NAA50: variants seen among roughly 807,000 people sequenced by gnomAD.
The protein encoded by NAA50 is N-alpha-acetyltransferase 50.
A neutral mutation model predicts 20.7 loss-of-function variants in NAA50; 7 were observed. The ratio of observed to expected loss-of-function variants is 0.34; its 90% CI spans 0.19 to 0.63. The LOEUF is 0.63. NAA50 is among the 30% of genes least tolerant of loss of function. NAA50 has a pLI of 0.75. For missense variants in NAA50, 111 were observed against 199.1 expected (o/e 0.56, Z 2.66); for synonymous variants, 54 against 70.6 (o/e 0.77, Z 1.18).
chr3:113,738,130 T>C (rs1292740195), intron 1 of NAA50, among the ~76,000 whole-genome samples: 2 of 152,172 alleles, frequency 1.3e-5, no homozygotes, highest in Non-Finnish European at 2.9e-5. Flanking sequence ...AGCAATTATA[T>C]GGTCGGTTAC....
chr3:113,723,360 A>G, intron 3 of NAA50, 62 bp downstream of exon 3: 2 of 1,493,910 alleles, frequency 1.3e-6, no homozygotes, highest in Non-Finnish European at 9.1e-7. Context: ...ACTAGGTCAG[A>G]CACATTAACA....
Position 113,721,371 on chromosome 3 carries a change from A to G in NAA50, c.*389T>C, listed in dbSNP as rs1577066506. ...TCAACTTGTCTATGAATTAGAGAACAAGATACTGCTGCTGCTTCTTTTTGT... is the reference window on the plus strand; with the variant it reads ...TCAACTTGTCTATGAATTAGAGAACGAGATACTGCTGCTGCTTCTTTTTGT... On this transcript the variant is annotated 3_prime_UTR_variant, in exon 5 of 5. Coordinates refer to ENST00000240922, the MANE Select transcript of NAA50 (RefSeq NM_025146.4). 4.6e-6 allele frequency: 1 copy of G among 217,828 alleles called. No individual in the cohort carries two copies. Among genetic ancestry groups the G allele is most frequent in the Non-Finnish European group, 9.1e-6 (1 of 110,238 alleles). The allele number at this position is 217,828 out of a possible 1,614,324, so 13.5% of individuals were successfully genotyped here.
Position 113,746,228 on chromosome 3 carries a change from C to T in NAA50, c.-279G>A, listed in dbSNP as rs1350355823. ...TCCCGCCGCTGCCGCCAGCCAGACC[C>T]GCTGCCGCGCTGTGACCTTTCACCC... is the stretch of plus-strand genomic sequence containing the variant. On this transcript the variant is annotated 5_prime_UTR_variant, in exon 1 of 5. Transcript: ENST00000240922. The T allele has an allele frequency of 4.4e-6, 2 of 458,988 alleles. No individual in the cohort carries two copies. Among genetic ancestry groups the T allele is most frequent in the Non-Finnish European group, 7.7e-6 (2 of 258,802 alleles). The allele number at this position is 458,988 out of a possible 1,614,324, so 28.4% of individuals were successfully genotyped here.
intron 1 of NAA50, among the ~76,000 whole-genome samples, chr3:113,745,327 C>T (rs1708476254): frequency 6.6e-6 from 1 of 152,122 alleles, no homozygotes; most frequent in Non-Finnish European, 1.5e-5. Context: ...ACTGATCCAC[C>T]CTATACTTCC....
At chr3:113,730,427 T>C (rs1450347158) in intron 1 of NAA50, among the ~76,000 whole-genome samples, 1 of 152,078 alleles carries the variant, frequency 6.6e-6, no homozygotes, top group Non-Finnish European at 1.5e-5. Context: ...TCAGTTTTGA[T>C]TGATTCCTTG....
Position 113,718,131 on chromosome 3 carries a change from T to C in NAA50, c.*3629A>G, listed in dbSNP as rs186242500. ...ATCACCTGCTCTAGGGGAAGCCACA[T>C]ACCAGTTGTCCACCAGGCAACTGGT... On this transcript the variant is annotated 3_prime_UTR_variant, in exon 5 of 5. Coordinates refer to ENST00000240922, the MANE Select transcript of NAA50 (RefSeq NM_025146.4). 6.6e-6 allele frequency: 1 copy of C among 152,326 alleles called. No homozygotes were observed. The highest frequency in any genetic ancestry group is 1.9e-4 in the East Asian group (1 of 5,194). 9.4% of individuals were successfully genotyped at this position (152,326 alleles called of 1,614,324 possible).
At chr3:113,725,624 G>A (rs966998138) in intron 1 of NAA50, among the ~76,000 whole-genome samples, 24 of 152,078 alleles carry the variant, frequency 1.6e-4, no homozygotes, top group Admixed American at 1.2e-3. Context: ...AACTTAACCA[G>A]GTGTGGTGGC....
In NAA50 at chr3:113,721,431, C is replaced by G. The variant is rs1308438584; in HGVS notation, c.*329G>C. On this transcript the variant is annotated 3_prime_UTR_variant, in exon 5 of 5. Transcript: ENST00000240922. Reference sequence around the variant, plus strand: ...TATACAATGTTTTGTAGGCTCTGCCCTTCAATGTGAAAGCAGGACATTAAA... The same window carrying G: ...TATACAATGTTTTGTAGGCTCTGCCGTTCAATGTGAAAGCAGGACATTAAA... The G allele has an allele frequency of 3.4e-6, 1 of 296,382 alleles. No homozygotes were observed. Among genetic ancestry groups the G allele is most frequent in the Non-Finnish European group, 6.3e-6 (1 of 157,896 alleles). The allele number at this position is 296,382 out of a possible 1,614,324, so 18.4% of individuals were successfully genotyped here.
chr3:113,730,051 G>C (rs753483019), intron 1 of NAA50, among the ~76,000 whole-genome samples: 6 of 152,088 alleles, frequency 3.9e-5, no homozygotes, highest in Non-Finnish European at 7.4e-5. Flanking sequence ...TGCAATCCCA[G>C]CACTTTGGAA....
intron 1 of NAA50, among the ~76,000 whole-genome samples, chr3:113,743,651 T>G (rs1708450214): frequency 6.6e-6 from 1 of 152,192 alleles, no homozygotes; most frequent in African/African-American, 2.4e-5. Context: ...TTTGTTAAGT[T>G]AAAGGGATTA....
At chr3:113,727,306 G>C (rs559832125) in intron 1 of NAA50, among the ~76,000 whole-genome samples, 1 of 152,290 alleles carries the variant, frequency 6.6e-6, no homozygotes, top group South Asian at 2.1e-4. Context: ...AACAATAATA[G>C]TAACTTAAGA....
intron 1 of NAA50, among the ~76,000 whole-genome samples, chr3:113,728,849 G>A (rs933679266): frequency 6.6e-6 from 1 of 152,082 alleles, no homozygotes; most frequent in Admixed American, 6.6e-5. Flanking sequence ...TCAAATCTTT[G>A]TTCCAAAATC....
At chr3:113,734,694 T>C (rs900995304) in intron 1 of NAA50, among the ~76,000 whole-genome samples, 19 of 152,200 alleles carry the variant, frequency 1.2e-4, no homozygotes, top group African/African-American at 3.9e-4. Flanking sequence ...TCAGTTTATA[T>C]AGAACAGAAA....
intron 1 of NAA50, among the ~76,000 whole-genome samples, chr3:113,736,034 T>C (rs1440279399): frequency 1.3e-5 from 2 of 152,202 alleles, no homozygotes; most frequent in Admixed American, 1.3e-4. Flanking sequence ...TTAAGTTCGA[T>C]GCTAATATTT....
chr3:113,733,129 T>A (rs1708291794), intron 1 of NAA50, among the ~76,000 whole-genome samples: 1 of 152,130 alleles, frequency 6.6e-6, no homozygotes. Context: ...TTACATTGGA[T>A]TGCTTGTCTT....
At chr3:113,744,159 A>G (rs1708458174) in intron 1 of NAA50, among the ~76,000 whole-genome samples, 1 of 152,140 alleles carries the variant, frequency 6.6e-6, no homozygotes, top group African/African-American at 2.4e-5. Flanking sequence ...GTCAGCAACC[A>G]TGTTCAAGAA....
chr3:113,723,090 C>G, intron 3 of NAA50, 118 bp from the exon 4 acceptor site: 1 of 1,286,974 alleles, frequency 7.8e-7, no homozygotes, highest in Non-Finnish European at 1.0e-6. Flanking sequence ...GAGGTATACA[C>G]TAGATATCCT....
intron 1 of NAA50, among the ~76,000 whole-genome samples, chr3:113,727,384 T>C (rs1453901974): frequency 1.3e-5 from 2 of 152,178 alleles, no homozygotes; most frequent in Non-Finnish European, 2.9e-5. Context: ...TAGGAATCAT[T>C]TGTAGGTAGT....
At chr3:113,728,074 G>A (rs1211893157) in intron 1 of NAA50, among the ~76,000 whole-genome samples, 1 of 132,476 alleles carries the variant, frequency 7.5e-6, no homozygotes, top group Non-Finnish European at 1.7e-5. Context: ...CAAGGAACAC[G>A]GAGTTAAAAA....
Sources: gnomAD v4.1 joint callset for allele counts (sites outside exome capture counted in the v4.1 genomes callset) on GRCh38, gnomAD v4.1.1 for gene constraint, MANE v1.5 for transcripts, NCBI Gene and HGNC (gene_info 2026-07-23, HGNC 2026-07-21) for gene names.